SPEN: variants seen among roughly 807,000 people sequenced by gnomAD.
The protein encoded by SPEN is spen family transcriptional repressor.
In SPEN, 18 loss-of-function variants were observed where a neutral mutation model predicts 269.9. The ratio of observed to expected loss-of-function variants is 0.07; its 90% CI spans 0.05 to 0.10. SPEN has a LOEUF of 0.10. Among genes scored for constraint, SPEN ranks in the 10% least tolerant of loss-of-function variants. The probability of loss-of-function intolerance (pLI) is 1.00; values close to 1 mark genes in which losing one functional copy is unlikely to be tolerated. For synonymous variants in SPEN, 1,726 were observed against 1,765.7 expected (o/e 0.98, Z 0.56); for missense variants, 3,822 against 4,631.2 (o/e 0.83, Z 5.07).
chr1:15,885,190 T>C (rs1055313051), intron 3 of SPEN, among the ~76,000 whole-genome samples: 5 of 152,176 alleles, frequency 3.3e-5, no homozygotes, highest in Admixed American at 2.0e-4. Flanking sequence ...AATTTTGTTT[T>C]GTAGCTTTGT....
chr1:15,931,425 C>T lies in SPEN; in HGVS notation c.5185C>T (p.Pro1729Ser), dbSNP rs746996005. The change falls in exon 11 of 15, where the codon CCT (proline) becomes TCT (serine). Residue 1729 changes from proline (P) to serine (S), a missense_variant. Physicochemically the swap from Pro to Ser is moderately conservative, Grantham distance 74. This residue lies in a region of SPEN where 533 missense variants were observed against 618.8 expected (regional missense o/e 0.86). Transcript: ENST00000375759. The surrounding 1 kb of genome is among the most constrained non-coding windows in gnomAD (Gnocchi z 4.8). ...GGAAGGTTCATCAGGTGACCAGCCG[C>T]CTTATCTGGATGCCAAGCCTCCAAC... ...VEEGSSGDQP[P>S]YLDAKPPTPG... The T allele has an allele frequency of 7.0e-5, 113 of 1,614,056 alleles. No individual in the cohort carries two copies. In the South Asian group the frequency reaches 1.2e-3, roughly 17 times the overall value.
chr1:15,862,009 T>C (rs1210826308), intron 1 of SPEN, among the ~76,000 whole-genome samples: 1 of 152,100 alleles, frequency 6.6e-6, no homozygotes, highest in Non-Finnish European at 1.5e-5. Context: ...GCCACTTTAC[T>C]CCAGCCTGGG....
Position 15,876,278 on chromosome 1 carries a change from C to T in SPEN, c.481C>T (p.Arg161Trp), listed in dbSNP as rs140309172. ...HHERGTGGFDRTRHYDQDYYR... is the reference protein window; with the variant it reads ...HHERGTGGFDWTRHYDQDYYR... The stretch of plus-strand genomic sequence containing the variant: ...TGAACGGGGGACGGGAGGATTTGAT[C>T]GGACAAGACATTACGATCAGGATTA... The change falls in exon 3 of 15, where the codon CGG becomes TGG. Residue 161 changes from arginine (R) to tryptophan (W), a missense_variant. Physicochemically the swap from Arg to Trp is moderately radical, Grantham distance 101. Around this residue, in one of 16 missense-constraint regions of SPEN, gnomAD observed 327 missense variants for 350.8 expected, o/e 0.93. Coordinates refer to ENST00000375759, the MANE Select transcript of SPEN (RefSeq NM_015001.3). 9 of 1,613,798 alleles carry T rather than the reference C, an allele frequency of 5.6e-6. No individual in the cohort carries two copies. The highest frequency in any genetic ancestry group is 2.2e-5 in the East Asian group (1 of 44,892).
chr1:15,909,180 G>A (rs1384680060), intron 3 of SPEN, 141 bp from the exon 4 acceptor site: 56 of 790,410 alleles, frequency 7.1e-5, no homozygotes, highest in Non-Finnish European at 3.7e-5. Context: ...GGTAGAGTAC[G>A]AGATAGATGT....
rs544103646 is a variant in SPEN at position 15,848,547 on chromosome 1, C to T, written c.83+397C>T. Among the ~76,000 whole-genome samples the T allele has an allele frequency of 6.6e-6, 1 of 152,176 alleles. No homozygotes were observed. Among genetic ancestry groups the T allele is most frequent in the East Asian group, 1.9e-4 (1 of 5,178 alleles). ...CCGGAGCAGCCGGGACCCGAGCCCG[C>T]CCGACAGCCGGGTCCGGCGCCGCCA... On this transcript the variant is annotated intron_variant, in intron 1 of 14. Transcript: ENST00000375759. The surrounding 1 kb of genome is among the most constrained non-coding windows in gnomAD (Gnocchi z 5.1).
chr1:15,922,323 C>T lies in SPEN; in HGVS notation c.1824C>T (p.Asp608=). ...CMEKSGQDIR[D]FYEMLAERRE... ...AGAAATCTGGTCAAGACATCAGAGACTTTTATGAAATGTTAGCCGAAAGAA... is the reference window on the plus strand; with the variant it reads ...AGAAATCTGGTCAAGACATCAGAGATTTTTATGAAATGTTAGCCGAAAGAA... The change falls in exon 10 of 15, where the codon GAC becomes GAT. Residue 608 remains aspartate (D), a synonymous_variant. Coordinates refer to ENST00000375759, the MANE Select transcript of SPEN (RefSeq NM_015001.3). 1 of 1,606,112 alleles carries T rather than the reference C, an allele frequency of 6.2e-7. No individual in the cohort carries two copies. The highest frequency in any genetic ancestry group is 1.7e-4 in the Middle Eastern group (1 of 6,046).
intron 3 of SPEN, among the ~76,000 whole-genome samples, chr1:15,903,341 C>A (rs1288498743): frequency 1.3e-5 from 2 of 152,138 alleles, no homozygotes; most frequent in African/African-American, 4.8e-5. Context: ...ATCTTAATTA[C>A]AAATTATAAG....
rs1174970384 is a variant in SPEN, at chr1:15,934,805, G to A, written c.8565G>A (p.Gln2855=). Residue 2855 remains glutamine (Q), a synonymous_variant, in exon 11 of 15, where the codon CAG becomes CAA. Coordinates refer to ENST00000375759, the MANE Select transcript of SPEN (RefSeq NM_015001.3). This position sits in a 1 kb window ranked among gnomAD's most constrained non-coding sequence, Gnocchi z 9.2. ...IEFQQSVSKS[Q]VKPDSVTASQ... is the part of the protein sequence containing the mutation. ...TTCAGCAGTCAGTGTCCAAGTCCCAGGTCAAACCTGATTCTGTCACAGCAT... is the reference window on the plus strand; with the variant it reads ...TTCAGCAGTCAGTGTCCAAGTCCCAAGTCAAACCTGATTCTGTCACAGCAT... The A allele has an allele frequency of 6.2e-7, 1 of 1,614,072 alleles. No individual in the cohort carries two copies. The highest frequency in any genetic ancestry group is 1.7e-5 in the Admixed American group (1 of 60,002).
At chr1:15,915,712 T>A (rs914389707) in intron 5 of SPEN, among the ~76,000 whole-genome samples, 2 of 151,940 alleles carry the variant, frequency 1.3e-5, no homozygotes, top group African/African-American at 4.8e-5. Context: ...TTTTTTGTAT[T>A]TTTTTTGGTA....
In SPEN at chr1:15,932,007, C is replaced by T. The variant is rs748408214; in HGVS notation, c.5767C>T (p.Pro1923Ser). The T allele has an allele frequency of 6.2e-7, 1 of 1,614,230 alleles. No individual in the cohort carries two copies. Among genetic ancestry groups the T allele is most frequent in the Non-Finnish European group, 8.5e-7 (1 of 1,180,052 alleles). Reference sequence around the variant, plus strand: ...TGAAAACCGCTCTCCTGTCAAAGAGCCCGTTGAGCAACCAAGAGTGACCAG... The same window carrying T: ...TGAAAACCGCTCTCCTGTCAAAGAGTCCGTTGAGCAACCAAGAGTGACCAG... ...DHENRSPVKE[P>S]VEQPRVTRKR... is the part of the protein sequence containing the mutation. Residue 1923 changes from proline to serine, a missense_variant, in exon 11 of 15, where the codon CCC becomes TCC. By Grantham distance (74) the Pro-to-Ser change is moderately conservative. This residue lies in a region of SPEN where 533 missense variants were observed against 618.8 expected (regional missense o/e 0.86). Transcript: ENST00000375759. The surrounding 1 kb of genome is among the most constrained non-coding windows in gnomAD (Gnocchi z 4.2).
rs1277359693 is a variant in SPEN at position 15,928,712 on chromosome 1, C to G, written c.2472C>G (p.Arg824=). ...AGGACAAAACTGACAAGCAGAAACG[C>G]AAAGGAAAGGTTCACTCCCCTAGTT... ...VEKDKTDKQK[R]KGKVHSPSSQ... is the part of the protein sequence containing the mutation. Residue 824 remains arginine (R), a synonymous_variant, in exon 11 of 15, where the codon CGC becomes CGG. Coordinates refer to ENST00000375759, the MANE Select transcript of SPEN (RefSeq NM_015001.3). This position sits in a 1 kb window ranked among gnomAD's most constrained non-coding sequence, Gnocchi z 5.7. 6.2e-7 allele frequency: 1 copy of G among 1,613,848 alleles called. No individual in the cohort carries two copies. The highest frequency in any genetic ancestry group is 1.1e-5 in the South Asian group (1 of 91,070).
In SPEN at chr1:15,864,180, T is replaced by C. The variant is rs1167488247; in HGVS notation, c.84-8636T>C. Among the ~76,000 whole-genome samples the C allele has an allele frequency of 3.2e-4, 27 of 85,084 alleles. No homozygotes were observed. The South Asian group carries it at 0.01, about 32-fold the overall frequency. 55.8% of individuals were successfully genotyped at this position (85,084 alleles called of 152,430 possible). A position where few individuals can be genotyped will look rare whatever the true frequency, so the allele number is the denominator to read the frequency against. On this transcript the variant is annotated intron_variant, in intron 1 of 14. Transcript: ENST00000375759. ...GAATAGTGGTTGCTTTTTTTTTTTT[T>C]TTTTTTGAAACAATGTCTCACTCTG...
intron 10 of SPEN, among the ~76,000 whole-genome samples, chr1:15,925,277 C>T (rs868536403): frequency 1.3e-5 from 2 of 152,152 alleles, no homozygotes; most frequent in African/African-American, 4.8e-5. Context: ...GATGAATTTA[C>T]AGGGTCACAT....
At chr1:15,919,752 A>C (rs1443154375) in intron 8 of SPEN, among the ~76,000 whole-genome samples, 1 of 152,264 alleles carries the variant, frequency 6.6e-6, no homozygotes, top group Non-Finnish European at 1.5e-5. Context: ...CTATTCTCAT[A>C]GTATAAATAG....
chr1:15,929,647 T>C lies in SPEN; in HGVS notation c.3407T>C (p.Leu1136Pro), dbSNP rs184914524. The change falls in exon 11 of 15, where the codon CTT (leucine) becomes CCT (proline). Residue 1136 changes from leucine (L) to proline (P), a missense_variant. Transcript: ENST00000375759. The surrounding 1 kb of genome is among the most constrained non-coding windows in gnomAD (Gnocchi z 5.8). ...REDVRKNYCSLRDETPERKSG... is the reference protein window; with the variant it reads ...REDVRKNYCSPRDETPERKSG... ...GACGTTAGGAAAAACTATTGCAGTC[T>C]TCGTGATGAAACACCTGAACGTAAA... 1.6e-5 allele frequency: 26 copies of C among 1,614,156 alleles called. 1 individual carries two copies. The Middle Eastern group carries it at 6.6e-4, about 41-fold the overall frequency.
chr1:15,867,344 A>G (rs1207620382), intron 1 of SPEN, among the ~76,000 whole-genome samples: 1 of 152,114 alleles, frequency 6.6e-6, no homozygotes, highest in Admixed American at 6.6e-5. Flanking sequence ...TATTCCATTG[A>G]ATGGGCATGC....
chr1:15,932,188 C>T lies in SPEN; in HGVS notation c.5948C>T (p.Ser1983Leu), dbSNP rs559309170. 1.6e-5 allele frequency: 25 copies of T among 1,611,682 alleles called. No homozygotes were observed. The highest frequency in any genetic ancestry group is 1.3e-4 in the African/African-American group (10 of 74,776). ...CTCAAGCCACCTGAGGGATGGCGGT[C>T]GCCAAGGTCCCAGAAAACTGCAGCT... The part of the protein sequence containing the change: ...ETLKPPEGWR[S>L]PRSQKTAAGG... Residue 1983 changes from serine (S) to leucine (L), a missense_variant, in exon 11 of 15, where the codon TCG (serine) becomes TTG (leucine). Coordinates refer to ENST00000375759, the MANE Select transcript of SPEN (RefSeq NM_015001.3). The surrounding 1 kb of genome is among the most constrained non-coding windows in gnomAD (Gnocchi z 4.2).
Position 15,928,296 on chromosome 1 carries a change from G to T in SPEN, c.2056G>T (p.Asp686Tyr). ...TCGGGAATACAGGGATTACAGGAAT[G>T]ATCCTTATGAACAAGATATTAGGGA... ...DPREYRDYRN[D>Y]PYEQDIREYS... The change falls in exon 11 of 15, where the codon GAT becomes TAT. Residue 686 changes from aspartate to tyrosine, a missense_variant. Transcript: ENST00000375759. The surrounding 1 kb of genome is among the most constrained non-coding windows in gnomAD (Gnocchi z 5.7). 6.2e-7 allele frequency: 1 copy of T among 1,614,174 alleles called. No individual in the cohort carries two copies. Among genetic ancestry groups the T allele is most frequent in the Non-Finnish European group, 8.5e-7 (1 of 1,180,018 alleles).
chr1:15,898,189 G>A (rs1027718425), intron 3 of SPEN, among the ~76,000 whole-genome samples: 10 of 151,864 alleles, frequency 6.6e-5, no homozygotes, highest in African/African-American at 2.4e-4. Flanking sequence ...GTGTGTGTGT[G>A]TGTGTGTGTG....
Sources: allele counts gnomAD v4.1 joint callset (sites outside exome capture counted in the v4.1 genomes callset), GRCh38; gene constraint gnomAD v4.1.1; regional missense constraint gnomAD v4.1.1; non-coding constraint Gnocchi (gnomAD v3.1); transcripts MANE v1.5; gene names NCBI Gene and HGNC (gene_info 2026-07-23, HGNC 2026-07-21).